Variants in COL23A1 observed in about 807,000 individuals in gnomAD.
The protein encoded by COL23A1 is collagen alpha-1(XXIII) chain.
Under a neutral mutation model 99.3 loss-of-function variants are expected in COL23A1, and 97 were observed. The observed-to-expected ratio is 0.98, with a 90% confidence interval of 0.83 to 1.16. COL23A1 has a LOEUF of 1.16. COL23A1 is among the 50% of genes most tolerant of loss of function. COL23A1 has a pLI of 0.00. For synonymous variants in COL23A1, 320 were observed against 308.2 expected (o/e 1.04, Z -0.40); for missense variants, 762 against 757.4 (o/e 1.01, Z -0.07).
At chr5:178,453,360 T>C (rs1280024286) in intron 2 of COL23A1, among the ~76,000 whole-genome samples, 2 of 152,170 alleles carry the variant, frequency 1.3e-5, no homozygotes, top group Non-Finnish European at 2.9e-5. Context: ...TTCTTCCAGC[T>C]ATTAGAAGAA....
At chr5:178,296,669 T>A (rs1007810152) in intron 3 of COL23A1, among the ~76,000 whole-genome samples, 4 of 151,900 alleles carry the variant, frequency 2.6e-5, no homozygotes, top group African/African-American at 9.7e-5. Flanking sequence ...GAGGCGGTAG[T>A]CCAGCCAGAG....
intron 5 of COL23A1, among the ~76,000 whole-genome samples, chr5:178,272,943 C>T (rs1381840168): frequency 6.6e-6 from 1 of 152,214 alleles, no homozygotes; most frequent in Non-Finnish European, 1.5e-5. Flanking sequence ...TCATCATCCC[C>T]ATCTTACGGA....
chr5:178,351,351 G>A (rs1195626261), intron 2 of COL23A1, among the ~76,000 whole-genome samples: 3 of 152,212 alleles, frequency 2.0e-5, no homozygotes, highest in Non-Finnish European at 4.4e-5. Context: ...TCCCGCTGTA[G>A]AAGCAAACCT....
At position 178,365,408 on chromosome 5, in the gene COL23A1, CCTCCCGGACA is replaced by C. The variant is rs1316721843; in HGVS notation, c.362-58499_362-58490del. Among the ~76,000 whole-genome samples the C allele has an allele frequency of 6.6e-6, 1 of 152,086 alleles. No individual in the cohort carries two copies. The highest frequency in any genetic ancestry group is 1.5e-5 in the Non-Finnish European group (1 of 68,012). ...GGCTTAGCTTCCCACTGGCCTCCTC[CCTCCCGGACA>C]CTCACGCATTTCAGGTCTGACGGGT... On this transcript the variant is annotated intron_variant, in intron 2 of 28. Transcript: ENST00000390654. This position sits in a 1 kb window ranked among gnomAD's most constrained non-coding sequence, Gnocchi z 5.2.
chr5:178,242,023 G>C lies in COL23A1; in HGVS notation c.1581+19C>G, dbSNP rs1561779832. ...GGAGGCCAAAAAGACCTGGGGCAGG[G>C]CCCTCCTCCGACACCTACCACGGGA... is the stretch of plus-strand genomic sequence containing the variant. On this transcript the variant is annotated intron_variant, in intron 27 of 28. Transcript: ENST00000390654. 6.5e-7 allele frequency: 1 copy of C among 1,544,838 alleles called. No individual in the cohort carries two copies. The highest frequency in any genetic ancestry group is 2.4e-5 in the East Asian group (1 of 40,958).
chr5:178,520,065 A>C (rs1759852636), intron 2 of COL23A1, among the ~76,000 whole-genome samples: 1 of 152,146 alleles, frequency 6.6e-6, no homozygotes, highest in Non-Finnish European at 1.5e-5. Flanking sequence ...GGGTGGATGG[A>C]TGGATGGATG....
At chr5:178,484,354 T>C (rs538628955) in intron 2 of COL23A1, among the ~76,000 whole-genome samples, 7 of 152,366 alleles carry the variant, frequency 4.6e-5, no homozygotes, top group Admixed American at 1.3e-4. Context: ...AGAACGAAGA[T>C]TGGGTGTCCC....
intron 2 of COL23A1, among the ~76,000 whole-genome samples, chr5:178,414,704 G>A (rs760008008): frequency 1.2e-4 from 19 of 152,264 alleles, no homozygotes; most frequent in African/African-American, 1.7e-4. Context: ...CCCGGGAGGC[G>A]GAGGTTGCAG....
At chr5:178,248,075 T>C in intron 20 of COL23A1, 117 bp downstream of exon 20, 2 of 784,134 alleles carry the variant, frequency 2.6e-6, no homozygotes, top group East Asian at 2.5e-5. Flanking sequence ...TTACTCTCCC[T>C]CCCCTACTGC....
At chr5:178,325,091 C>A (rs1288453627) in intron 2 of COL23A1, among the ~76,000 whole-genome samples, 1 of 152,236 alleles carries the variant, frequency 6.6e-6, no homozygotes, top group Non-Finnish European at 1.5e-5. Flanking sequence ...CAAAGTCACG[C>A]AGTCAGGAAG....
At chr5:178,482,659 C>T (rs559252481) in intron 2 of COL23A1, among the ~76,000 whole-genome samples, 11 of 151,048 alleles carry the variant, frequency 7.3e-5, no homozygotes, top group African/African-American at 1.2e-4. Flanking sequence ...TCTAAGAGGC[C>T]GAGGAGGGCA....
At chr5:178,277,629 C>T (rs952912276) in intron 5 of COL23A1, among the ~76,000 whole-genome samples, 3 of 152,196 alleles carry the variant, frequency 2.0e-5, no homozygotes, top group African/African-American at 7.2e-5. Context: ...CTCTATGATG[C>T]TGTGAGGCTG....
intron 2 of COL23A1, among the ~76,000 whole-genome samples, chr5:178,466,132 G>A (rs900227026): frequency 5.9e-5 from 9 of 152,116 alleles, no homozygotes; most frequent in African/African-American, 1.7e-4. Context: ...GCATTGCAAC[G>A]CAAACTCACT....
chr5:178,493,138 G>A (rs980108048), intron 2 of COL23A1, among the ~76,000 whole-genome samples: 1 of 152,160 alleles, frequency 6.6e-6, no homozygotes, highest in Non-Finnish European at 1.5e-5. Context: ...GTGAGATTCT[G>A]GTCCTCGCTG....
chr5:178,264,664 TG>T (rs1765813456), intron 8 of COL23A1, among the ~76,000 whole-genome samples: 1 of 152,288 alleles, frequency 6.6e-6, no homozygotes, highest in East Asian at 1.9e-4. Context: ...TTTTTTTGTT[TG>T]TTTTTTTGAG....
At chr5:178,245,734 C>T (rs1216537401) in intron 25 of COL23A1, among the ~76,000 whole-genome samples, 1 of 152,186 alleles carries the variant, frequency 6.6e-6, no homozygotes. Flanking sequence ...TTTATCCATC[C>T]ATCAACAATC....
rs546989188 is a variant in COL23A1, at chr5:178,502,366, T to C, written c.361+58316A>G. On this transcript the variant is annotated intron_variant, in intron 2 of 28. Transcript: ENST00000390654. ...CAGGATGGTCTCGATCTTCTGACCT[T>C]GTGATCTGCCCGCCTCGGCCTCCCA... is the stretch of plus-strand genomic sequence containing the variant. 1.6e-3 allele frequency among the ~76,000 whole-genome samples: 246 copies of C among 152,258 alleles called. 1 individual carries two copies. The highest frequency in any genetic ancestry group is 3.4e-3 in the African/African-American group (140 of 41,554).
At chr5:178,469,745 A>G (rs955565549) in intron 2 of COL23A1, among the ~76,000 whole-genome samples, 2 of 152,112 alleles carry the variant, frequency 1.3e-5, no homozygotes, top group South Asian at 4.2e-4. Context: ...CGCCGAGGGA[A>G]GCTGCCTGCC....
intron 2 of COL23A1, among the ~76,000 whole-genome samples, chr5:178,527,528 G>C (rs992935714): frequency 7.2e-5 from 11 of 152,180 alleles, no homozygotes; most frequent in Non-Finnish European, 1.3e-4. Context: ...GGCTGGCCCG[G>C]GTGGATGGTG....
Sources: allele counts gnomAD v4.1 joint callset (sites outside exome capture counted in the v4.1 genomes callset), GRCh38; gene constraint gnomAD v4.1.1; non-coding constraint Gnocchi (gnomAD v3.1); transcripts MANE v1.5; gene names NCBI Gene and HGNC (gene_info 2026-07-23, HGNC 2026-07-21).